Variants in STARD13 observed in about 807,000 individuals in gnomAD.
STARD13 encodes stAR-related lipid transfer protein 13.
STARD13 carries 62 observed loss-of-function variants against 106.4 expected under a neutral mutation model. The ratio of observed to expected loss-of-function variants is 0.58; its 90% CI spans 0.48 to 0.72. The LOEUF is 0.72. STARD13 is among the 30% of genes least tolerant of loss of function. The pLI is 0.00. For synonymous variants in STARD13, 565 were observed against 553.0 expected (o/e 1.02, Z -0.31); for missense variants, 1,387 against 1,424.0 (o/e 0.97, Z 0.42).
the STARD13 span, among the ~76,000 whole-genome samples, chr13:33,435,073 C>G: frequency 3.8e-4 from 58 of 152,266 alleles, no homozygotes; most frequent in African/African-American, 1.3e-3. Context: ...ATTTAGGTTT[C>G]AAGAGAAGGA....
chr13:33,517,222 C>T, the STARD13 span, among the ~76,000 whole-genome samples: 1 of 151,964 alleles, frequency 6.6e-6, no homozygotes, highest in Non-Finnish European at 1.5e-5. Flanking sequence ...GCTCATCCTG[C>T]CCTCTTTTTT....
intron 4 of STARD13, among the ~76,000 whole-genome samples, chr13:33,137,544 A>AT (rs1223409800): frequency 1.3e-5 from 2 of 152,244 alleles, no homozygotes; most frequent in African/African-American, 4.8e-5. Flanking sequence ...GGGCCAGATT[A>AT]GAAGGAATCA....
chr13:33,629,527 T>C, the STARD13 span, among the ~76,000 whole-genome samples: 2 of 152,222 alleles, frequency 1.3e-5, no homozygotes, highest in Admixed American at 6.5e-5. Flanking sequence ...TTCATAAGGA[T>C]TTTTTACTGG....
the STARD13 span, among the ~76,000 whole-genome samples, chr13:33,531,241 T>A: frequency 3.9e-5 from 6 of 152,216 alleles, no homozygotes; most frequent in African/African-American, 1.4e-4. Flanking sequence ...ATTAAACCTC[T>A]TTCTTTTGTA....
chr13:33,477,715 A>G, the STARD13 span, among the ~76,000 whole-genome samples: 1 of 152,208 alleles, frequency 6.6e-6, no homozygotes, highest in African/African-American at 2.4e-5. Flanking sequence ...CTCCGCATGA[A>G]GCAGCCAGAA....
intron 1 of STARD13, among the ~76,000 whole-genome samples, chr13:33,230,286 C>T (rs1275042889): frequency 6.6e-6 from 1 of 152,172 alleles, no homozygotes; most frequent in Non-Finnish European, 1.5e-5. Flanking sequence ...GACTTCTAAA[C>T]CTAAACAGCC....
chr13:33,621,658 C>T, the STARD13 span, among the ~76,000 whole-genome samples: 150 of 109,966 alleles, frequency 1.4e-3, no homozygotes, highest in African/African-American at 5.0e-3. Flanking sequence ...CCAGCCTGGG[C>T]GACAGAGCGA....
At chr13:33,638,999 A>G in the STARD13 span, among the ~76,000 whole-genome samples, 4 of 152,034 alleles carry the variant, frequency 2.6e-5, no homozygotes, top group Non-Finnish European at 5.9e-5. Context: ...CTTTCCGCAG[A>G]TATTTGTGAA....
chr13:33,548,284 A>G, the STARD13 span, among the ~76,000 whole-genome samples: 1 of 152,196 alleles, frequency 6.6e-6, no homozygotes, highest in Non-Finnish European at 1.5e-5. Context: ...ACTGCTGAAA[A>G]ACTGACCAAG....
chr13:33,479,257 G>T, the STARD13 span, among the ~76,000 whole-genome samples: 1 of 152,154 alleles, frequency 6.6e-6, no homozygotes, highest in African/African-American at 2.4e-5. Context: ...GAGGAAAGAG[G>T]CACTTGATGC....
chr13:33,636,425 C>T, the STARD13 span, among the ~76,000 whole-genome samples: 1 of 152,216 alleles, frequency 6.6e-6, no homozygotes, highest in African/African-American at 2.4e-5. Flanking sequence ...ATTATCCAAA[C>T]CCGGCTACTT....
chr13:33,151,543 G>A (rs1398542389), intron 3 of STARD13, among the ~76,000 whole-genome samples: 1 of 152,144 alleles, frequency 6.6e-6, no homozygotes, highest in Non-Finnish European at 1.5e-5. Context: ...CTCCCACCAG[G>A]CCCCAACTCC....
At chr13:33,384,107 G>C in the STARD13 span, among the ~76,000 whole-genome samples, 1 of 152,172 alleles carries the variant, frequency 6.6e-6, no homozygotes, top group African/African-American at 2.4e-5. Context: ...GGCTAGCCCA[G>C]CTCTACAGCA....
At chr13:33,266,281 C>T (rs1890892275) in intron 1 of STARD13, among the ~76,000 whole-genome samples, 1 of 152,204 alleles carries the variant, frequency 6.6e-6, no homozygotes, top group Admixed American at 6.5e-5. Flanking sequence ...GATTACATGA[C>T]ATAATTATTG....
the STARD13 span, among the ~76,000 whole-genome samples, chr13:33,497,204 G>T: frequency 0.3 from 45,405 of 151,774 alleles, 7,653 homozygotes; most frequent in Non-Finnish European, 0.39. Context: ...TGATCTGCTG[G>T]GCTCCTCCAT....
intron 1 of STARD13, among the ~76,000 whole-genome samples, chr13:33,234,465 T>G (rs1490287590): frequency 6.6e-6 from 1 of 152,214 alleles, no homozygotes; most frequent in African/African-American, 2.4e-5. Flanking sequence ...ACATTCCCCT[T>G]GCACAAGGCC....
chr13:33,174,542 T>C (rs1325529836), intron 1 of STARD13, among the ~76,000 whole-genome samples: 1 of 152,148 alleles, frequency 6.6e-6, no homozygotes, highest in Non-Finnish European at 1.5e-5. Context: ...CCCTTTACCA[T>C]GAGGCTAAGA....
chr13:33,385,864 C>CAA, the STARD13 span, among the ~76,000 whole-genome samples: 122 of 124,034 alleles, frequency 9.8e-4, no homozygotes, highest in African/African-American at 3.5e-3. Context: ...AAAAAAAAAA[C>CAA]AAAAAAAAAA....
the STARD13 span, among the ~76,000 whole-genome samples, chr13:33,606,825 A>C: frequency 0.016 from 2,366 of 152,310 alleles, 19 homozygotes; most frequent in Middle Eastern, 0.037. Flanking sequence ...GGCTCCGGGG[A>C]GAATTCTCTT....
Sources: allele counts gnomAD v4.1 joint callset (sites outside exome capture counted in the v4.1 genomes callset), GRCh38; gene constraint gnomAD v4.1.1; transcripts MANE v1.5; gene names NCBI Gene and HGNC (gene_info 2026-07-23, HGNC 2026-07-21).